The following CATSPERD variants were observed in gnomAD, a reference collection of about 807,000 sequenced individuals.
CATSPERD encodes cation channel sperm-associated auxiliary subunit delta.
CATSPERD carries 86 observed loss-of-function variants against 98.1 expected under a neutral mutation model. The observed-to-expected ratio is 0.88, with a 90% CI of 0.74 to 1.05. The LOEUF is 1.05. Among genes scored for constraint, CATSPERD ranks in the 50% least tolerant of loss-of-function variants. The pLI is 0.00. For missense variants in CATSPERD, 995 were observed against 1,005.7 expected (o/e 0.99, Z 0.14); for synonymous variants, 394 against 390.2 (o/e 1.01, Z -0.12).
At chr19:5,746,469 C>T (rs1014190914) in intron 9 of CATSPERD, among the ~76,000 whole-genome samples, 1 of 152,052 alleles carries the variant, frequency 6.6e-6, no homozygotes, top group Non-Finnish European at 1.5e-5. Context: ...CACTCTGTCG[C>T]CCAGGCTAGA....
intron 15 of CATSPERD, among the ~76,000 whole-genome samples, chr19:5,761,396 C>T (rs2056429994): frequency 6.6e-6 from 1 of 152,120 alleles, no homozygotes; most frequent in Non-Finnish European, 1.5e-5. Flanking sequence ...ACCACCGCAC[C>T]CGGCCAGTGT....
intron 4 of CATSPERD, among the ~76,000 whole-genome samples, chr19:5,733,307 T>TTTCTTTCTTTCTTTC (rs1568343566): frequency 4.1e-5 from 6 of 146,858 alleles, no homozygotes; most frequent in African/African-American, 1.6e-4. Context: ...TTCTTTTTCT[T>TTTCTTTCTTTCTTTC]TTTCTTTCTT....
chr19:5,733,903 G>A lies in CATSPERD; in HGVS notation c.324G>A (p.Leu108=). ...VTSAHFAGSL[L]LLVVDQKVYI... is the part of the protein sequence containing the mutation. ...CAGCACATTTTGCTGGTTCGTTATT[G>A]CTGTTAGTAGTGGATCAAAAAGTCT... Residue 108 remains leucine, a synonymous_variant, in exon 5 of 22, where the codon TTG becomes TTA. Coordinates refer to ENST00000381624, the MANE Select transcript of CATSPERD (RefSeq NM_152784.4). 1.2e-6 allele frequency: 2 copies of A among 1,613,194 alleles called. No homozygotes were observed. The highest frequency in any genetic ancestry group is 8.5e-7 in the Non-Finnish European group (1 of 1,179,830).
At chr19:5,761,015 G>T in intron 15 of CATSPERD, among the ~76,000 whole-genome samples, 1 of 145,350 alleles carries the variant, frequency 6.9e-6, no homozygotes. Context: ...TCAGTTTTGT[G>T]AAGTTTTTTT....
At position 5,778,644 on chromosome 19, in the gene CATSPERD, C is replaced by T. The variant is rs17852929; in HGVS notation, c.2365C>T (p.Arg789Cys). ...AGGCACAGAGCCCCCGGGACGCCACCGCACTCCTCACGGAGGCAGGTCTGA... is the reference window on the plus strand; with the variant it reads ...AGGCACAGAGCCCCCGGGACGCCACTGCACTCCTCACGGAGGCAGGTCTGA... ...RAGTEPPGRH[R>C]TPHGGRSDH The change falls in exon 22 of 22, where the codon CGC becomes TGC. Residue 789 changes from arginine (R) to cysteine (C), a missense_variant. Around this residue, in one of 3 missense-constraint regions of CATSPERD, gnomAD observed 762 missense variants for 773.7 expected, o/e 0.98. Coordinates refer to ENST00000381624, the MANE Select transcript of CATSPERD (RefSeq NM_152784.4). 2.5e-5 allele frequency: 41 copies of T among 1,613,380 alleles called. No individual in the cohort carries two copies. The highest frequency in any genetic ancestry group is 3.0e-5 in the Non-Finnish European group (35 of 1,180,004).
Position 5,759,140 on chromosome 19 carries a change from T to C in CATSPERD, c.1423T>C (p.Ser475Pro). 6.2e-7 allele frequency: 1 copy of C among 1,613,808 alleles called. No individual in the cohort carries two copies. The highest frequency in any genetic ancestry group is 8.5e-7 in the Non-Finnish European group (1 of 1,179,860). ...HWGRTDSNFTSSLKKATMSTL... is the reference protein window; with the variant it reads ...HWGRTDSNFTPSLKKATMSTL... ...GGGCAGGACCGACTCCAACTTCACT[T>C]CCAGGTATGTTGTCTCCTGGGAGAG... The change falls in exon 15 of 22, where the codon TCC (serine) becomes CCC (proline). Residue 475 changes from serine (S) to proline (P), a missense_variant. Transcript: ENST00000381624.
chr19:5,762,280 T>G (rs952686113), intron 15 of CATSPERD, among the ~76,000 whole-genome samples: 1 of 150,538 alleles, frequency 6.6e-6, no homozygotes, highest in African/African-American at 2.4e-5. Context: ...GCCAGAATGG[T>G]CTCGAACTCC....
At chr19:5,737,967 A>G (rs2055881575) in intron 6 of CATSPERD, among the ~76,000 whole-genome samples, 1 of 152,144 alleles carries the variant, frequency 6.6e-6, no homozygotes, top group South Asian at 2.1e-4. Context: ...TGGGAGATGG[A>G]AAAGGTTTTG....
intron 16 of CATSPERD, among the ~76,000 whole-genome samples, 199 bp downstream of exon 16, chr19:5,763,492 A>G (rs949975585): frequency 6.6e-6 from 1 of 152,232 alleles, no homozygotes; most frequent in Non-Finnish European, 1.5e-5. Flanking sequence ...TTATGGATGC[A>G]TGCTTCCACA....
At chr19:5,746,187 A>G in intron 9 of CATSPERD, 124 bp downstream of exon 9, 1 of 1,024,308 alleles carries the variant, frequency 9.8e-7, no homozygotes, top group Admixed American at 2.2e-5. Context: ...TTTCTCTTCC[A>G]TGTTCAGAGT....
chr19:5,741,790 G>GGC lies in CATSPERD; in HGVS notation c.573+2352_573+2353insCG, dbSNP rs2055972099. Among the ~76,000 whole-genome samples, 3 of 96,746 alleles carry GGC rather than the reference G, an allele frequency of 3.1e-5. 1 individual carries two copies. The highest frequency in any genetic ancestry group is 1.1e-4 in the African/African-American group (3 of 27,112). 63.5% of individuals were successfully genotyped at this position (96,746 alleles called of 152,430 possible). A position where few individuals can be genotyped will look rare whatever the true frequency, so the allele number is the denominator to read the frequency against. On this transcript the variant is annotated intron_variant, in intron 7 of 21. Transcript: ENST00000381624. ...GCACTTTGGGATGCTGAAGGCGGGGGGGGGGGGGTGGTGTGGATCACTTGA... is the reference window on the plus strand; with the variant it reads ...GCACTTTGGGATGCTGAAGGCGGGGGGCGGGGGGGGTGGTGTGGATCACTTGA...
At chr19:5,762,056 ATATTTTTTTTT>A (rs1238892965) in intron 15 of CATSPERD, among the ~76,000 whole-genome samples, 1 of 14,482 alleles carries the variant, frequency 6.9e-5, no homozygotes, top group East Asian at 1.1e-3. Flanking sequence ...ATATATATAT[ATATTTTTTTTT>A]TTTTTTTTTT....
chr19:5,756,749 A>C (rs1182892163), intron 13 of CATSPERD, among the ~76,000 whole-genome samples: 1 of 151,928 alleles, frequency 6.6e-6, no homozygotes, highest in East Asian at 1.9e-4. Context: ...GTTTGAGACC[A>C]GCCTGTGCAA....
chr19:5,751,573 C>T, intron 11 of CATSPERD, 74 bp from the exon 12 acceptor site: 1 of 270,928 alleles, frequency 3.7e-6, no homozygotes, highest in Non-Finnish European at 6.2e-6. Flanking sequence ...AAAAAATCTG[C>T]ATCATGAAAT....
At position 5,768,154 on chromosome 19, in the gene CATSPERD, A is replaced by G. The variant is rs751304411; in HGVS notation, c.1560-14A>G. The G allele has an allele frequency of 1.9e-6, 3 of 1,611,496 alleles. No homozygotes were observed. Among genetic ancestry groups the G allele is most frequent in the Non-Finnish European group, 2.5e-6 (3 of 1,178,346 alleles). ...GAGGTCATGCCATTGCTCAATGTCC[A>G]CTTTTGCTTGCAGCAAAGTTTCCGC... On this transcript the variant is annotated splice_polypyrimidine_tract_variant and intron_variant, in intron 17 of 21. Coordinates refer to ENST00000381624, the MANE Select transcript of CATSPERD (RefSeq NM_152784.4).
chr19:5,729,225 A>G (rs2055669030), intron 3 of CATSPERD, among the ~76,000 whole-genome samples: 2 of 151,732 alleles, frequency 1.3e-5, no homozygotes, highest in African/African-American at 4.8e-5. Flanking sequence ...CCTCCCAAGT[A>G]GCTGGGATTA....
chr19:5,772,633 G>A (rs148942358), intron 19 of CATSPERD, among the ~76,000 whole-genome samples, 155 bp from the exon 20 acceptor site: 5 of 151,922 alleles, frequency 3.3e-5, no homozygotes, highest in African/African-American at 1.2e-4. Flanking sequence ...GCCCACACAC[G>A]GCATCCTCAG....
chr19:5,771,013 G>T lies in CATSPERD; in HGVS notation c.1704G>T (p.Gln568His). The stretch of plus-strand genomic sequence containing the variant: ...ACCTGCACGTGTTTTACTCCTACCA[G>T]CAGCTGGGCTGTCCTCTCCTCGTCT... ...SEDLHVFYSY[Q>H]QLGCPLLVYY... Residue 568 changes from glutamine (Q) to histidine (H), a missense_variant, in exon 19 of 22, where the codon CAG becomes CAT. Physicochemically the swap from Gln to His is conservative, Grantham distance 24. Around this residue, in one of 3 missense-constraint regions of CATSPERD, gnomAD observed 762 missense variants for 773.7 expected, o/e 0.98. Coordinates refer to ENST00000381624, the MANE Select transcript of CATSPERD (RefSeq NM_152784.4). 1 of 1,613,994 alleles carries T rather than the reference G, an allele frequency of 6.2e-7. No homozygotes were observed. The highest frequency in any genetic ancestry group is 1.1e-5 in the South Asian group (1 of 91,084).
In CATSPERD at chr19:5,763,308, T is replaced by A. The variant is rs750731224; in HGVS notation, c.1506+15T>A. The stretch of plus-strand genomic sequence containing the variant: ...TCAAGCCACTGGTAGGTCCCAAATC[T>A]TTGCTGTCCCATATTCGGTGTCATA... On this transcript the variant is annotated intron_variant, in intron 16 of 21. Transcript: ENST00000381624. The A allele has an allele frequency of 1.2e-6, 2 of 1,605,666 alleles. No individual in the cohort carries two copies. Among genetic ancestry groups the A allele is most frequent in the Non-Finnish European group, 1.7e-6 (2 of 1,172,496 alleles).
Sources: gnomAD v4.1 joint callset for allele counts (sites outside exome capture counted in the v4.1 genomes callset) on GRCh38, gnomAD v4.1.1 for gene constraint, gnomAD v4.1.1 regional missense constraint, MANE v1.5 for transcripts, NCBI Gene and HGNC (gene_info 2026-07-23, HGNC 2026-07-21) for gene names.